The following CFDP1 variants were observed in gnomAD, a reference collection of about 807,000 sequenced individuals.
The protein encoded by CFDP1 is chromatin remodeling protein CFDP1.
In CFDP1, 31 loss-of-function variants were observed where a neutral mutation model predicts 40.1. The observed-to-expected ratio is 0.77, with a 90% CI of 0.58 to 1.04. The LOEUF (loss-of-function observed/expected upper bound fraction) is 1.04. Among genes scored for constraint, CFDP1 ranks in the 50% least tolerant of loss-of-function variants. CFDP1 has a pLI of 0.00. For synonymous variants in CFDP1, 167 were observed against 120.0 expected (o/e 1.39, Z -2.56); for missense variants, 423 against 343.4 (o/e 1.23, Z -1.83).
chr16:75,355,136 G>T (rs781524828), intron 5 of CFDP1, among the ~76,000 whole-genome samples: 7 of 152,210 alleles, frequency 4.6e-5, no homozygotes, highest in Non-Finnish European at 8.8e-5. Flanking sequence ...GATCATCTGA[G>T]CCTTCAGTGA....
intron 5 of CFDP1, among the ~76,000 whole-genome samples, chr16:75,343,727 C>T (rs1046795760): frequency 3.3e-5 from 5 of 152,178 alleles, no homozygotes; most frequent in African/African-American, 1.2e-4. Context: ...TGGTCAATAT[C>T]CTAGCACTGA....
intron 5 of CFDP1, among the ~76,000 whole-genome samples, chr16:75,358,908 G>A (rs1895490): frequency 0.52 from 79,236 of 151,922 alleles, 21,658 homozygotes; most frequent in Admixed American, 0.64. Flanking sequence ...ATCAGTCAAC[G>A]TTAGAAGAGC....
At chr16:75,432,159 C>G (rs1037742075) in intron 1 of CFDP1, among the ~76,000 whole-genome samples, 1 of 150,816 alleles carries the variant, frequency 6.6e-6, no homozygotes, top group Non-Finnish European at 1.5e-5. Context: ...ATCCACCCAC[C>G]TCAGCCTCCC....
At chr16:75,297,085 C>T (rs1179942928) in intron 6 of CFDP1, among the ~76,000 whole-genome samples, 1 of 150,746 alleles carries the variant, frequency 6.6e-6, no homozygotes, top group African/African-American at 2.4e-5. Context: ...GCTTTGTATA[C>T]AATAAAACAA....
intron 1 of CFDP1, among the ~76,000 whole-genome samples, chr16:75,428,682 G>A (rs779653165): frequency 2.0e-5 from 3 of 150,752 alleles, no homozygotes; most frequent in Non-Finnish European, 4.4e-5. Context: ...AAAAAGAAAG[G>A]AAGGAAAGGA....
chr16:75,400,553 T>C (rs76019428), intron 4 of CFDP1, among the ~76,000 whole-genome samples: 3 of 152,138 alleles, frequency 2.0e-5, no homozygotes, highest in Non-Finnish European at 4.4e-5. Context: ...CAGCACCTCA[T>C]ACCACAGGCT....
chr16:75,381,609 G>C (rs984832876), intron 5 of CFDP1, among the ~76,000 whole-genome samples: 7 of 152,138 alleles, frequency 4.6e-5, no homozygotes, highest in African/African-American at 1.7e-4. Context: ...CTGGAAAGAA[G>C]CCTCAGATTT....
At chr16:75,298,316 C>A (rs764125337) in intron 6 of CFDP1, among the ~76,000 whole-genome samples, 13 of 152,164 alleles carry the variant, frequency 8.5e-5, no homozygotes, top group Non-Finnish European at 1.8e-4. Context: ...GACAGAGGGC[C>A]TTTGAGGGTG....
At chr16:75,319,932 A>C (rs2078350171) in intron 5 of CFDP1, among the ~76,000 whole-genome samples, 2 of 152,202 alleles carry the variant, frequency 1.3e-5, no homozygotes, top group Admixed American at 1.3e-4. Context: ...GAAAGCAGAA[A>C]ACTTTCTTTT....
intron 5 of CFDP1, among the ~76,000 whole-genome samples, chr16:75,321,361 T>A (rs570079432): frequency 1.3e-5 from 2 of 152,294 alleles, no homozygotes; most frequent in South Asian, 4.1e-4. Context: ...TTTTAGTATA[T>A]CCATTACCAC....
intron 6 of CFDP1, among the ~76,000 whole-genome samples, chr16:75,296,587 C>T (rs181292165): frequency 4.7e-4 from 71 of 152,260 alleles, no homozygotes; most frequent in African/African-American, 1.7e-3. Flanking sequence ...TAACTGGGTA[C>T]GAATAAAGGT....
chr16:75,369,160 C>T (rs891314748), intron 5 of CFDP1, among the ~76,000 whole-genome samples: 2 of 152,124 alleles, frequency 1.3e-5, no homozygotes, highest in Non-Finnish European at 2.9e-5. Flanking sequence ...TACAGTCCTC[C>T]TCTCCTCAGT....
At chr16:75,401,579 G>A (rs183965879) in intron 4 of CFDP1, among the ~76,000 whole-genome samples, 94 of 152,126 alleles carry the variant, frequency 6.2e-4, no homozygotes, top group African/African-American at 2.2e-3. Context: ...CAGTCTGGGC[G>A]ACAAGGTGCG....
At chr16:75,304,213 T>C (rs1200334270) in intron 6 of CFDP1, among the ~76,000 whole-genome samples, 1 of 152,024 alleles carries the variant, frequency 6.6e-6, no homozygotes, top group Non-Finnish European at 1.5e-5. Flanking sequence ...GGATTACAAG[T>C]GTGCACCACT....
At chr16:75,377,754 T>C (rs371134192) in intron 5 of CFDP1, among the ~76,000 whole-genome samples, 45 of 152,342 alleles carry the variant, frequency 3.0e-4, no homozygotes, top group African/African-American at 7.5e-4. Context: ...CTCAGTTCTA[T>C]TGTGTTCTCA....
rs1555561750 is a variant in CFDP1 at position 75,384,852 on chromosome 16, C to CAATATATA, written c.650+10237_650+10238insTATATATT. On this transcript the variant is annotated intron_variant, in intron 5 of 6. Coordinates refer to ENST00000283882, the MANE Select transcript of CFDP1 (RefSeq NM_006324.3). ...TACAAGTTGCAAGAAGAAACTAAAA[C>CAATATATA]TATATATATATATATATATATATAT... Among the ~76,000 whole-genome samples the CAATATATA allele has an allele frequency of 1.8e-3, 214 of 119,950 alleles. 21 individuals are homozygous for CAATATATA. Among genetic ancestry groups the CAATATATA allele is most frequent in the South Asian group, 3.1e-3 (12 of 3,892 alleles). The allele number at this position is 119,950 out of a possible 152,430, so 78.7% of individuals were successfully genotyped here. A position where few individuals can be genotyped will look rare whatever the true frequency, so the allele number is the denominator to read the frequency against.
In CFDP1 at chr16:75,412,762, C is replaced by A. The variant is rs1337199969; in HGVS notation, c.183-8G>T. 3 of 1,607,060 alleles carry A rather than the reference C, an allele frequency of 1.9e-6. No homozygotes were observed. The Admixed American group carries it at 5.0e-5, about 27-fold the overall frequency. On this transcript the variant is annotated splice_region_variant and splice_polypyrimidine_tract_variant and intron_variant, in intron 2 of 6. Transcript: ENST00000283882. ...CCACCTTGTCTTCTCTTCCTAATCA[C>A]CAGCAGTCACAGGAAAAAGGAAAGA...
In CFDP1 at chr16:75,411,944, C is replaced by T; in HGVS notation, c.411G>A (p.Glu137=). 2 of 1,595,664 alleles carry T rather than the reference C, an allele frequency of 1.3e-6. No individual in the cohort carries two copies. Among genetic ancestry groups the T allele is most frequent in the South Asian group, 2.3e-5 (2 of 86,820 alleles). ...VPPSTQVKKG[E]ETEETSSSKL... ...TACTTGAACTTGTCTCTTCAGTCTC[C>T]TCTCCTTTCTATAAAAAAAACAAGA... Residue 137 remains glutamate, a synonymous_variant, in exon 4 of 7, where the codon GAG becomes GAA. Coordinates refer to ENST00000283882, the MANE Select transcript of CFDP1 (RefSeq NM_006324.3).
chr16:75,323,753 T>G (rs2078383078), intron 5 of CFDP1, among the ~76,000 whole-genome samples: 1 of 146,618 alleles, frequency 6.8e-6, no homozygotes, highest in Admixed American at 7.1e-5. Context: ...CACTCCAGCC[T>G]GGGCAACAAG....
Sources: allele counts gnomAD v4.1 joint callset (sites outside exome capture counted in the v4.1 genomes callset), GRCh38; gene constraint gnomAD v4.1.1; transcripts MANE v1.5; gene names NCBI Gene and HGNC (gene_info 2026-07-23, HGNC 2026-07-21).